NCEH1: variants seen among roughly 807,000 people sequenced by gnomAD.
NCEH1 encodes the protein neutral cholesterol ester hydrolase 1.
A neutral mutation model predicts 25.4 loss-of-function variants in NCEH1; 9 were observed. The ratio of observed to expected loss-of-function variants is 0.35; its 90% CI spans 0.21 to 0.62. The LOEUF (loss-of-function observed/expected upper bound fraction) is 0.62. Ranked by LOEUF, NCEH1 falls within the 20% of genes least tolerant of loss-of-function variation. NCEH1 has a pLI of 0.72. For synonymous variants in NCEH1, 200 were observed against 199.8 expected, an observed-to-expected ratio of 1.00 and a Z score of -0.01; for missense variants, 412 against 501.1, an observed-to-expected ratio of 0.82 and a Z score of 1.70.
intron 3 of NCEH1, among the ~76,000 whole-genome samples, chr3:172,640,330 G>T (rs1287244188): frequency 6.6e-6 from 1 of 152,146 alleles, no homozygotes; most frequent in Admixed American, 6.5e-5. Context: ...GGTATTTTTA[G>T]TAGGGGATAT....
chr3:172,661,382 T>C (rs1029753080), intron 1 of NCEH1, among the ~76,000 whole-genome samples: 2 of 152,238 alleles, frequency 1.3e-5, no homozygotes, highest in African/African-American at 4.8e-5. Context: ...TGTAGCCTTA[T>C]AGTATAGTTT....
intron 1 of NCEH1, 126 bp from the exon 2 acceptor site, chr3:172,648,240 G>T: frequency 9.1e-7 from 1 of 1,102,608 alleles, no homozygotes; most frequent in Non-Finnish European, 1.3e-6. Flanking sequence ...GGCTCATTGA[G>T]CCCTTTTAAT....
In NCEH1 at chr3:172,631,415, A is replaced by G. The variant is rs1488658294; in HGVS notation, c.*2060T>C. On this transcript the variant is annotated 3_prime_UTR_variant, in exon 5 of 5. Coordinates refer to ENST00000475381, the MANE Select transcript of NCEH1 (RefSeq NM_020792.6). ...TTTTAGGAAAAAAAGACCTTCGATG[A>G]TGCAGGTGTCTGTGTATAAGGAACT... 6.6e-6 allele frequency: 1 copy of G among 152,514 alleles called. No individual in the cohort carries two copies. Among genetic ancestry groups the G allele is most frequent in the Non-Finnish European group, 1.5e-5 (1 of 68,042 alleles). 9.4% of individuals were successfully genotyped at this position (152,514 alleles called of 1,614,324 possible). A position where few individuals can be genotyped will look rare whatever the true frequency, so the allele number is the denominator to read the frequency against.
intron 1 of NCEH1, among the ~76,000 whole-genome samples, chr3:172,663,572 C>T (rs556521281): frequency 6.6e-6 from 1 of 152,254 alleles, no homozygotes; most frequent in South Asian, 2.1e-4. Context: ...GTTAAAGTCT[C>T]CCAATATTAT....
chr3:172,633,792 C>T lies in NCEH1; in HGVS notation c.910G>A (p.Val304Ile). ...ATCCTGGCATTGCCTGTGGTCTGTA[C>T]AACAGGCTTGTAGTTCTTTGTGAAG... ...ASFTKNYKPV[V>I]QTTGNARIVQ... Residue 304 changes from valine (V) to isoleucine (I), a missense_variant, in exon 5 of 5, where the codon GTA becomes ATA. Coordinates refer to ENST00000475381, the MANE Select transcript of NCEH1 (RefSeq NM_020792.6). The T allele has an allele frequency of 6.2e-7, 1 of 1,614,222 alleles. No individual in the cohort carries two copies. Among genetic ancestry groups the T allele is most frequent in the Non-Finnish European group, 8.5e-7 (1 of 1,180,046 alleles).
In NCEH1 at chr3:172,634,053, G is replaced by A; in HGVS notation, c.649C>T (p.Gln217Ter). 6.2e-7 allele frequency: 1 copy of A among 1,613,990 alleles called. No homozygotes were observed. The highest frequency in any genetic ancestry group is 8.5e-7 in the Non-Finnish European group (1 of 1,179,954). The change falls in exon 5 of 5, where the codon CAA becomes TAA. Residue 217 changes from glutamine (Q) to a stop codon, truncating the protein, a stop_gained. Transcript: ENST00000475381. LOFTEE classifies it low-confidence loss of function (END_TRUNC). ...TGAAGAACTGGATAAATTAAAGCTT[G>A]TAGTTTGAGCTTATTTTTTAGGCTG... ...DASLKNKLKL[Q>*]ALIYPVLQAL...
intron 1 of NCEH1, among the ~76,000 whole-genome samples, chr3:172,664,382 T>C (rs1197435601): frequency 6.6e-6 from 1 of 152,228 alleles, no homozygotes; most frequent in African/African-American, 2.4e-5. Context: ...TCTCTCTGGC[T>C]GCGCTTGACA....
intron 1 of NCEH1, among the ~76,000 whole-genome samples, chr3:172,691,946 CAAAAAAA>C (rs61592238): frequency 1.7e-4 from 14 of 80,012 alleles, no homozygotes; most frequent in African/African-American, 5.0e-4. Context: ...GACTCCGTCT[CAAAAAAA>C]AAAAAAAAAA....
intron 1 of NCEH1, among the ~76,000 whole-genome samples, chr3:172,693,674 A>G (rs933201879): frequency 5.3e-5 from 8 of 152,232 alleles, no homozygotes; most frequent in Non-Finnish European, 1.0e-4. Flanking sequence ...GACGTAACCA[A>G]TAATACTATT....
At chr3:172,644,367 C>A (rs542120711) in intron 3 of NCEH1, among the ~76,000 whole-genome samples, 1 of 152,220 alleles carries the variant, frequency 6.6e-6, no homozygotes, top group African/African-American at 2.4e-5. Context: ...GGAGTAGGAG[C>A]AAGGAGGTGG....
intron 1 of NCEH1, among the ~76,000 whole-genome samples, chr3:172,699,757 T>C (rs749685802): frequency 3.3e-4 from 50 of 152,134 alleles, no homozygotes; most frequent in Non-Finnish European, 6.3e-4. Context: ...CCCAGCTACT[T>C]GGGAGGCTGA....
chr3:172,645,216 T>C (rs1717060589), intron 3 of NCEH1, among the ~76,000 whole-genome samples: 1 of 152,196 alleles, frequency 6.6e-6, no homozygotes. Flanking sequence ...TGAACACGTA[T>C]TTCTGTTCCC....
intron 1 of NCEH1, among the ~76,000 whole-genome samples, chr3:172,663,308 G>C (rs2108507422): frequency 6.6e-6 from 1 of 152,274 alleles, no homozygotes; most frequent in Non-Finnish European, 1.5e-5. Flanking sequence ...TAATTTGATT[G>C]CACTGTGGTC....
At chr3:172,642,421 C>T (rs1218425495) in intron 3 of NCEH1, among the ~76,000 whole-genome samples, 1 of 151,856 alleles carries the variant, frequency 6.6e-6, no homozygotes, top group Non-Finnish European at 1.5e-5. Flanking sequence ...AGTGATCCAC[C>T]TGCCTCAGCC....
At chr3:172,694,268 A>G (rs1713233433) in intron 1 of NCEH1, among the ~76,000 whole-genome samples, 1 of 152,212 alleles carries the variant, frequency 6.6e-6, no homozygotes, top group African/African-American at 2.4e-5. Flanking sequence ...ACCTTTTGAG[A>G]CAGACAGAAA....
At chr3:172,666,828 T>C (rs1419551052) in intron 1 of NCEH1, among the ~76,000 whole-genome samples, 1 of 152,198 alleles carries the variant, frequency 6.6e-6, no homozygotes, top group Non-Finnish European at 1.5e-5. Context: ...TGGGAATTTT[T>C]ACAGCCTAGA....
chr3:172,649,119 C>T (rs1577059106), intron 1 of NCEH1, among the ~76,000 whole-genome samples: 1 of 152,264 alleles, frequency 6.6e-6, no homozygotes, highest in African/African-American at 2.4e-5. Flanking sequence ...GACGGTACAC[C>T]TTGAAGAGGG....
chr3:172,694,934 C>T (rs1444154746), intron 1 of NCEH1, among the ~76,000 whole-genome samples: 1 of 152,128 alleles, frequency 6.6e-6, no homozygotes, highest in African/African-American at 2.4e-5. Context: ...TTTACTTATT[C>T]ATCTCATGTT....
intron 1 of NCEH1, among the ~76,000 whole-genome samples, chr3:172,675,405 T>A (rs148614162): frequency 6.6e-6 from 1 of 151,520 alleles, no homozygotes; most frequent in Non-Finnish European, 1.5e-5. Flanking sequence ...GTAACAAACC[T>A]GCACATTGTG....
Sources: gnomAD v4.1 joint callset for allele counts (sites outside exome capture counted in the v4.1 genomes callset) on GRCh38, gnomAD v4.1.1 for gene constraint, MANE v1.5 for transcripts, NCBI Gene and HGNC (gene_info 2026-07-23, HGNC 2026-07-21) for gene names.